The following CDC42SE2 variants were observed in gnomAD, a reference collection of about 807,000 sequenced individuals.
CDC42SE2 encodes CDC42 small effector protein 2.
In CDC42SE2, 3 loss-of-function variants were observed where a neutral mutation model predicts 11.5. That is an observed-to-expected ratio of 0.26 (90% CI 0.12 to 0.67). CDC42SE2 has a LOEUF of 0.67. CDC42SE2 is among the 30% of genes least tolerant of loss of function. The probability of loss-of-function intolerance (pLI) is 0.80; values close to 1 mark genes in which losing one functional copy is unlikely to be tolerated. For missense variants in CDC42SE2, 82 were observed against 106.8 expected, an observed-to-expected ratio of 0.77 and a Z score of 1.02; for synonymous variants, 33 against 34.8, an observed-to-expected ratio of 0.95 and a Z score of 0.18.
upstream of CDC42SE2, among the ~76,000 whole-genome samples, chr5:131,244,689 C>T (rs902900555): frequency 3.3e-5 from 5 of 152,002 alleles, no homozygotes; most frequent in African/African-American, 1.2e-4. Flanking sequence ...GCAGCCTGGG[C>T]AACAGAGTGA....
chr5:131,263,338 T>A (rs191283021), upstream of CDC42SE2, among the ~76,000 whole-genome samples: 1 of 152,324 alleles, frequency 6.6e-6, no homozygotes, highest in Non-Finnish European at 1.5e-5. Flanking sequence ...GGCATTACGC[T>A]ATCCTTTTGA....
chr5:131,248,818 TA>T (rs1003255357), intron 1 of CDC42SE2, among the ~76,000 whole-genome samples: 10 of 152,112 alleles, frequency 6.6e-5, no homozygotes, highest in African/African-American at 2.4e-4. Flanking sequence ...AAGTTCTGAA[TA>T]AATGGAGAGC....
rs1167702481 is a variant in CDC42SE2 at position 131,365,146 on chromosome 5, T to C, written c.54+5599T>C. Among the ~76,000 whole-genome samples, 6 of 151,956 alleles carry C rather than the reference T, an allele frequency of 3.9e-5. No individual in the cohort carries two copies. The South Asian group carries it at 1.0e-3, about 26-fold the overall frequency. ...CTCTACTAAAAATACAAAAAATAGC[T>C]GGGCGTGGTGTCGCATGCCTGTAAT... On this transcript the variant is annotated intron_variant, in intron 3 of 4. Transcript: ENST00000505065.
intron 1 of CDC42SE2, among the ~76,000 whole-genome samples, chr5:131,279,789 A>T (rs1480606688): frequency 6.6e-6 from 1 of 152,086 alleles, no homozygotes; most frequent in African/African-American, 2.4e-5. Flanking sequence ...GAACTCTGAG[A>T]CTGGGCACAG....
intron 1 of CDC42SE2, among the ~76,000 whole-genome samples, chr5:131,297,581 G>A (rs1480718790): frequency 3.9e-5 from 6 of 151,938 alleles, no homozygotes; most frequent in African/African-American, 1.5e-4. Context: ...CTAGCTGGGC[G>A]TGGTGGCGGG....
intron 3 of CDC42SE2, among the ~76,000 whole-genome samples, chr5:131,363,717 A>G (rs1749777582): frequency 1.8e-5 from 2 of 109,496 alleles, no homozygotes; most frequent in Non-Finnish European, 1.8e-5. Context: ...TTTTTTTGAG[A>G]AGGAGTCTCG....
the CDC42SE2 span, among the ~76,000 whole-genome samples, chr5:131,213,731 A>G: frequency 2.6e-5 from 4 of 152,220 alleles, no homozygotes; most frequent in Non-Finnish European, 5.9e-5. Flanking sequence ...GATTACAGGC[A>G]TGAACCACTG....
At chr5:131,216,742 C>A in the CDC42SE2 span, among the ~76,000 whole-genome samples, 1 of 152,042 alleles carries the variant, frequency 6.6e-6, no homozygotes, top group Non-Finnish European at 1.5e-5. Context: ...TGTCAAGCTG[C>A]CAATAAAATG....
intron 2 of CDC42SE2, among the ~76,000 whole-genome samples, chr5:131,257,078 A>G (rs1160965258): frequency 6.6e-6 from 1 of 152,176 alleles, no homozygotes; most frequent in Non-Finnish European, 1.5e-5. Flanking sequence ...GGCAGGGAAC[A>G]TAGCATCAGA....
chr5:131,264,643 G>A (rs1443816716), intron 1 of CDC42SE2, among the ~76,000 whole-genome samples: 1 of 152,166 alleles, frequency 6.6e-6, no homozygotes, highest in African/African-American at 2.4e-5. Context: ...CGCCCGACGC[G>A]TTCAGTCCGC....
At chr5:131,368,793 T>C (rs1749934252) in intron 3 of CDC42SE2, among the ~76,000 whole-genome samples, 1 of 152,186 alleles carries the variant, frequency 6.6e-6, no homozygotes, top group African/African-American at 2.4e-5. Flanking sequence ...AAGCCAAATC[T>C]GAGACATTAT....
chr5:131,384,568 C>G (rs1750419534), intron 3 of CDC42SE2, among the ~76,000 whole-genome samples: 1 of 152,004 alleles, frequency 6.6e-6, no homozygotes, highest in Non-Finnish European at 1.5e-5. Flanking sequence ...GTGGTCTCTC[C>G]CAATAACATT....
intron 1 of CDC42SE2, among the ~76,000 whole-genome samples, chr5:131,315,465 TG>T (rs1758022499): frequency 1.3e-5 from 2 of 152,154 alleles, no homozygotes; most frequent in African/African-American, 4.8e-5. Flanking sequence ...GACAAGTAAT[TG>T]TGAGCCAGGT....
chr5:131,388,634 C>T (rs1162037278), intron 4 of CDC42SE2, among the ~76,000 whole-genome samples: 1 of 152,138 alleles, frequency 6.6e-6, no homozygotes, highest in Non-Finnish European at 1.5e-5. Flanking sequence ...GTAATACAAC[C>T]TTGCGTTAAA....
At chr5:131,307,624 T>A (rs555827155) in intron 1 of CDC42SE2, among the ~76,000 whole-genome samples, 1 of 152,286 alleles carries the variant, frequency 6.6e-6, no homozygotes, top group South Asian at 2.1e-4. Flanking sequence ...TAGTTCTAGA[T>A]CCCTGAGGAA....
chr5:131,385,246 ATT>A (rs1201075259), intron 3 of CDC42SE2, among the ~76,000 whole-genome samples: 1 of 152,222 alleles, frequency 6.6e-6, no homozygotes, highest in East Asian at 1.9e-4. Flanking sequence ...GTAATTTTAC[ATT>A]TGTCTCGTTT....
At chr5:131,356,738 G>A (rs905749540) in intron 2 of CDC42SE2, among the ~76,000 whole-genome samples, 2 of 151,892 alleles carry the variant, frequency 1.3e-5, no homozygotes, top group Non-Finnish European at 2.9e-5. Context: ...GTGAGACCCT[G>A]TCTCTACACA....
chr5:131,329,189 G>A (rs1758359871), intron 2 of CDC42SE2, among the ~76,000 whole-genome samples: 1 of 152,184 alleles, frequency 6.6e-6, no homozygotes, highest in Admixed American at 6.5e-5. Context: ...GCAATCAAGG[G>A]GGAGGGAAAG....
upstream of CDC42SE2, among the ~76,000 whole-genome samples, chr5:131,240,789 G>A (rs150251383): frequency 3.2e-3 from 487 of 152,262 alleles, no homozygotes; most frequent in South Asian, 0.014. Flanking sequence ...GCTCATATCA[G>A]TGATTTTGGA....
Sources: gnomAD v4.1 joint callset for allele counts (sites outside exome capture counted in the v4.1 genomes callset) on GRCh38, gnomAD v4.1.1 for gene constraint, MANE v1.5 for transcripts, NCBI Gene and HGNC (gene_info 2026-07-23, HGNC 2026-07-21) for gene names.